CNGB3: variants seen among roughly 807,000 people sequenced by gnomAD.
CNGB3 encodes the protein cyclic nucleotide-gated channel beta-3.
Under a neutral mutation model 92.8 loss-of-function variants are expected in CNGB3, and 86 were observed. That is an observed-to-expected ratio of 0.93 (90% CI 0.78 to 1.11). The LOEUF (loss-of-function observed/expected upper bound fraction) is 1.11. CNGB3 is among the 50% of genes least tolerant of loss of function. The pLI, the probability that CNGB3 is intolerant of heterozygous loss-of-function variation, is 0.00. For synonymous variants in CNGB3, 333 were observed against 332.7 expected, an observed-to-expected ratio of 1.00 and a Z score of -0.01; for missense variants, 1,026 against 956.8, an observed-to-expected ratio of 1.07 and a Z score of -0.95.
intron 3 of CNGB3, among the ~76,000 whole-genome samples, chr8:86,683,113 TATAG>T (rs1381252023): frequency 6.6e-6 from 1 of 152,170 alleles, no homozygotes; most frequent in African/African-American, 2.4e-5. Flanking sequence ...TCTCTGAAAG[TATAG>T]ATAGAGACAT....
At chr8:86,624,649 T>C (rs920420406) in intron 13 of CNGB3, among the ~76,000 whole-genome samples, 3 of 152,040 alleles carry the variant, frequency 2.0e-5, no homozygotes, top group Non-Finnish European at 4.4e-5. Flanking sequence ...CTCTCTCTCC[T>C]CTCCCATCTG....
chr8:86,590,585 T>C (rs1348860631), intron 15 of CNGB3, among the ~76,000 whole-genome samples: 1 of 152,090 alleles, frequency 6.6e-6, no homozygotes. Flanking sequence ...ATTTTATTTC[T>C]CCTTCACTTG....
intron 6 of CNGB3, among the ~76,000 whole-genome samples, chr8:86,655,848 T>C (rs1823495714): frequency 6.6e-6 from 1 of 152,236 alleles, no homozygotes; most frequent in Non-Finnish European, 1.5e-5. Flanking sequence ...TGGACTTTTA[T>C]GTTTCACTTA....
At chr8:86,661,911 T>A in intron 6 of CNGB3, 1 of 794,862 alleles carries the variant, frequency 1.3e-6, no homozygotes, top group Non-Finnish European at 2.2e-6. Flanking sequence ...AAAAGATGGA[T>A]AGGATTCTTG....
intron 3 of CNGB3, among the ~76,000 whole-genome samples, chr8:86,725,222 T>C (rs1045338465): frequency 3.3e-5 from 5 of 152,072 alleles, no homozygotes; most frequent in African/African-American, 1.2e-4. Context: ...TGGGAGTGTA[T>C]TGGTGTGAGG....
chr8:86,587,419 A>G lies in CNGB3; in HGVS notation c.1782-8167T>C, dbSNP rs1448155471. The stretch of plus-strand genomic sequence containing the variant: ...AGACCTGAAGTCCTTGCCCATGCCT[A>G]TGTCCTGAATGGTAATGCCTAGGTT... On this transcript the variant is annotated intron_variant, in intron 15 of 17. Coordinates refer to ENST00000320005, the MANE Select transcript of CNGB3 (RefSeq NM_019098.5). 9.9e-5 allele frequency among the ~76,000 whole-genome samples: 15 copies of G among 152,166 alleles called. 1 individual carries two copies. The South Asian group carries it at 2.3e-3, about 23-fold the overall frequency.
rs1821636434 is a variant in CNGB3 at position 86,575,228 on chromosome 8, T to C, written c.*576A>G. 3 of 152,252 alleles carry C rather than the reference T, an allele frequency of 2.0e-5. No individual in the cohort carries two copies. The highest frequency in any genetic ancestry group is 2.0e-4 in the Admixed American group (3 of 15,280). The allele number at this position is 152,252 out of a possible 1,614,324, so 9.4% of individuals were successfully genotyped here. A position where few individuals can be genotyped will look rare whatever the true frequency, so the allele number is the denominator to read the frequency against. ...GGGACTGTTCCAAAAATCAGACTTCTCATTCAGAAAGCTTCATGATCTCTG... is the reference window on the plus strand; with the variant it reads ...GGGACTGTTCCAAAAATCAGACTTCCCATTCAGAAAGCTTCATGATCTCTG... On this transcript the variant is annotated 3_prime_UTR_variant, in exon 18 of 18. Transcript: ENST00000320005.
intron 6 of CNGB3, among the ~76,000 whole-genome samples, chr8:86,666,506 G>A (rs2131614470): frequency 6.6e-6 from 1 of 152,226 alleles, no homozygotes; most frequent in South Asian, 2.1e-4. Context: ...TGTAAATGGG[G>A]CTAATTACAT....
intron 15 of CNGB3, among the ~76,000 whole-genome samples, chr8:86,580,179 C>T (rs557469582): frequency 4.7e-5 from 4 of 85,308 alleles, no homozygotes; most frequent in Admixed American, 1.7e-4. Flanking sequence ...CTCATTATCA[C>T]GAGAATAGCA....
chr8:86,689,949 A>C (rs1824274897), intron 3 of CNGB3, among the ~76,000 whole-genome samples: 1 of 152,014 alleles, frequency 6.6e-6, no homozygotes, highest in Non-Finnish European at 1.5e-5. Flanking sequence ...CATTTTCTTA[A>C]TCCAGTCTAT....
At chr8:86,631,256 A>C (rs1346846564) in intron 11 of CNGB3, among the ~76,000 whole-genome samples, 1 of 152,176 alleles carries the variant, frequency 6.6e-6, no homozygotes, top group Non-Finnish European at 1.5e-5. Flanking sequence ...TTGAACTCTG[A>C]ATTTCTCAAG....
chr8:86,671,182 A>T, intron 3 of CNGB3, 84 bp from the exon 4 acceptor site: 1 of 1,480,194 alleles, frequency 6.8e-7, no homozygotes, highest in South Asian at 1.1e-5. Flanking sequence ...CACCTTCCTT[A>T]TATATTCAAG....
chr8:86,599,591 C>T (rs1482783994), intron 15 of CNGB3, among the ~76,000 whole-genome samples: 1 of 151,652 alleles, frequency 6.6e-6, no homozygotes, highest in East Asian at 1.9e-4. Context: ...GAATGTGTCC[C>T]TGAGGGTAGG....
intron 6 of CNGB3, chr8:86,660,201 G>T: frequency 3.3e-6 from 1 of 299,898 alleles, no homozygotes; most frequent in Non-Finnish European, 6.8e-6. Context: ...TTTTGCTCTT[G>T]TACCTACACC....
At chr8:86,617,519 T>C (rs1822642916) in intron 13 of CNGB3, among the ~76,000 whole-genome samples, 1 of 152,330 alleles carries the variant, frequency 6.6e-6, no homozygotes, top group South Asian at 2.1e-4. Context: ...TGCCATTGAC[T>C]ATGCGAGGCA....
At chr8:86,660,190 T>G (rs2131608922) in intron 6 of CNGB3, 3 of 294,798 alleles carry the variant, frequency 1.0e-5, no homozygotes, top group South Asian at 7.7e-5. Context: ...ATTTTCTCCT[T>G]TTTTGCTCTT....
intron 3 of CNGB3, among the ~76,000 whole-genome samples, chr8:86,696,563 C>T (rs989420650): frequency 1.3e-5 from 2 of 152,218 alleles, no homozygotes; most frequent in South Asian, 2.1e-4. Context: ...TCTCCAGACA[C>T]TGTTCTATCC....
intron 13 of CNGB3, among the ~76,000 whole-genome samples, chr8:86,623,222 C>T (rs182483815): frequency 8.3e-4 from 126 of 152,244 alleles, no homozygotes; most frequent in Middle Eastern, 6.8e-3. Flanking sequence ...ACGTCTCCCC[C>T]GAACTCAGAT....
At chr8:86,721,670 C>T (rs1824972679) in intron 3 of CNGB3, among the ~76,000 whole-genome samples, 1 of 152,026 alleles carries the variant, frequency 6.6e-6, no homozygotes, top group African/African-American at 2.4e-5. Flanking sequence ...AGTAATAGTG[C>T]ATTATTTTTA....
Sources: allele counts gnomAD v4.1 joint callset (sites outside exome capture counted in the v4.1 genomes callset), GRCh38; gene constraint gnomAD v4.1.1; transcripts MANE v1.5; gene names NCBI Gene and HGNC (gene_info 2026-07-23, HGNC 2026-07-21).